The following MCHR2 variants were observed in gnomAD, a reference collection of about 807,000 sequenced individuals.
The protein encoded by MCHR2 is melanin-concentrating hormone receptor 2.
MCHR2 carries 15 observed loss-of-function variants against 24.8 expected under a neutral mutation model. The ratio of observed to expected loss-of-function variants is 0.60; its 90% confidence interval spans 0.40 to 0.93. The LOEUF is 0.93. Among genes scored for constraint, MCHR2 ranks in the 40% least tolerant of loss-of-function variants. MCHR2 has a pLI of 0.00. For synonymous variants in MCHR2, 151 were observed against 147.6 expected (o/e 1.02, Z -0.17); for missense variants, 386 against 408.7 (o/e 0.94, Z 0.48).
chr6:99,946,856 A>C (rs1349328206), intron 3 of MCHR2, among the ~76,000 whole-genome samples: 1 of 152,120 alleles, frequency 6.6e-6, no homozygotes, highest in Admixed American at 6.6e-5. Context: ...TGGAAGTACT[A>C]TGGTTGTCTT....
At position 99,946,410 on chromosome 6, in the gene MCHR2, G is replaced by T. The variant is rs190287654; in HGVS notation, c.392+1352C>A. Among the ~76,000 whole-genome samples the T allele has an allele frequency of 3.4e-4, 52 of 152,200 alleles. No individual in the cohort carries two copies. The East Asian group carries it at 6.6e-3, about 19-fold the overall frequency. ...AGAGTGAATTATTTATATGAACTTT[G>T]CAATTCTTTTTTTGTTCATCTGAAG... On this transcript the variant is annotated intron_variant, in intron 3 of 5. Coordinates refer to ENST00000281806, the MANE Select transcript of MCHR2 (RefSeq NM_001040179.2).
chr6:99,987,928 T>C (rs1246036107), intron 1 of MCHR2, among the ~76,000 whole-genome samples: 1 of 152,094 alleles, frequency 6.6e-6, no homozygotes, highest in African/African-American at 2.4e-5. Context: ...CTATAGAGGG[T>C]TAATCATTTT....
chr6:99,991,050 A>G (rs1775862605), intron 1 of MCHR2, among the ~76,000 whole-genome samples: 1 of 151,512 alleles, frequency 6.6e-6, no homozygotes, highest in African/African-American at 2.4e-5. Context: ...AAGGGTGGTA[A>G]CCCCAGGGAG....
intron 4 of MCHR2, 37 bp downstream of exon 4, chr6:99,942,912 T>G (rs1440369738): frequency 6.5e-7 from 1 of 1,549,232 alleles, no homozygotes; most frequent in Non-Finnish European, 8.8e-7. Context: ...CTTCACAACT[T>G]AATTCAACTC....
intron 1 of MCHR2, among the ~76,000 whole-genome samples, 182 bp from the exon 2 acceptor site, chr6:99,956,356 T>C (rs951284954): frequency 6.6e-6 from 1 of 152,068 alleles, no homozygotes; most frequent in African/African-American, 2.4e-5. Flanking sequence ...CCACAAGAGA[T>C]AGGTAAACAG....
At chr6:99,993,301 G>T (rs1012286077) in intron 1 of MCHR2, among the ~76,000 whole-genome samples, 2 of 152,160 alleles carry the variant, frequency 1.3e-5, no homozygotes, top group Non-Finnish European at 2.9e-5. Context: ...TCTGACAGCC[G>T]CTAACTAACT....
intron 1 of MCHR2, among the ~76,000 whole-genome samples, chr6:99,965,980 T>C (rs1293728806): frequency 6.6e-6 from 1 of 152,154 alleles, no homozygotes; most frequent in African/African-American, 2.4e-5. Flanking sequence ...TTTTAATGCT[T>C]AATCAAAAAG....
chr6:99,930,691 A>T (rs1033219889), intron 5 of MCHR2, among the ~76,000 whole-genome samples: 4 of 151,988 alleles, frequency 2.6e-5, no homozygotes, highest in Admixed American at 1.3e-4. Context: ...CAGCTCCATC[A>T]GCTCCTTTAA....
chr6:99,924,329 A>G (rs1291031123), intron 5 of MCHR2, among the ~76,000 whole-genome samples: 1 of 151,850 alleles, frequency 6.6e-6, no homozygotes, highest in African/African-American at 2.4e-5. Flanking sequence ...AAAGTTTGTC[A>G]ATTTTGTTTA....
At chr6:99,987,784 A>G (rs912633536) in intron 1 of MCHR2, among the ~76,000 whole-genome samples, 3 of 152,212 alleles carry the variant, frequency 2.0e-5, no homozygotes, top group African/African-American at 7.2e-5. Context: ...AAAGTGACTG[A>G]AGTCACTTCA....
intron 4 of MCHR2, among the ~76,000 whole-genome samples, chr6:99,942,277 G>A (rs1387577258): frequency 6.6e-6 from 1 of 152,152 alleles, no homozygotes; most frequent in Non-Finnish European, 1.5e-5. Context: ...AGGCTCTGAA[G>A]CAGAATCTGC....
chr6:99,967,122 A>T (rs1398162334), intron 1 of MCHR2, among the ~76,000 whole-genome samples: 1 of 151,920 alleles, frequency 6.6e-6, no homozygotes, highest in African/African-American at 2.4e-5. Flanking sequence ...AACAGGTCTT[A>T]AACAGTTAAG....
chr6:99,947,823 A>T lies in MCHR2; in HGVS notation c.331T>A (p.Ser111Thr), dbSNP rs1774897887. Residue 111 changes from serine to threonine, a missense_variant, in exon 3 of 6, where the codon TCC (serine) becomes ACC (threonine). Ser to Thr is a moderately conservative substitution (Grantham distance 58). Coordinates refer to ENST00000281806, the MANE Select transcript of MCHR2 (RefSeq NM_001040179.2). ...GCAAATTGGTTACAAGTATCCAGGG[A>T]TGTGATGATGGTGCAGAGAGGCCCC... ...FGGPLCTIIT[S>T]LDTCNQFACS... The T allele has an allele frequency of 1.9e-6, 3 of 1,613,836 alleles. No homozygotes were observed. Among genetic ancestry groups the T allele is most frequent in the Non-Finnish European group, 1.7e-6 (2 of 1,179,804 alleles).
At chr6:99,946,020 A>AT (rs201335747) in intron 3 of MCHR2, among the ~76,000 whole-genome samples, 1,829 of 144,220 alleles carry the variant, frequency 0.013, 38 homozygotes, top group East Asian at 0.096. Flanking sequence ...ATACCTGTTT[A>AT]TTTTTTTTTT....
In MCHR2 at chr6:99,929,735, T is replaced by G. The variant is rs144006771; in HGVS notation, c.707+4663A>C. ...TTTATTTTGAGCCTATGTGTGTCTCTGCACGTGAGATGGGTGTTCTGAATA... is the reference window on the plus strand; with the variant it reads ...TTTATTTTGAGCCTATGTGTGTCTCGGCACGTGAGATGGGTGTTCTGAATA... On this transcript the variant is annotated intron_variant, in intron 5 of 5. Coordinates refer to ENST00000281806, the MANE Select transcript of MCHR2 (RefSeq NM_001040179.2). Among the ~76,000 whole-genome samples, 273 of 152,208 alleles carry G rather than the reference T, an allele frequency of 1.8e-3. 3 individuals are homozygous for G. The highest frequency in any genetic ancestry group is 3.4e-3 in the Middle Eastern group (1 of 294).
At chr6:99,972,700 G>T (rs930319293) in intron 1 of MCHR2, among the ~76,000 whole-genome samples, 1 of 152,006 alleles carries the variant, frequency 6.6e-6, no homozygotes, top group African/African-American at 2.4e-5. Context: ...TGGGCATTTA[G>T]TGCTATAAAT....
chr6:99,993,137 G>A (rs986453176), intron 1 of MCHR2, among the ~76,000 whole-genome samples: 3 of 152,116 alleles, frequency 2.0e-5, no homozygotes, highest in African/African-American at 7.2e-5. Flanking sequence ...TTAATAAGAA[G>A]ATTCCACCTC....
intron 5 of MCHR2, among the ~76,000 whole-genome samples, chr6:99,924,003 A>G (rs1482687362): frequency 6.6e-6 from 1 of 151,996 alleles, no homozygotes; most frequent in Non-Finnish European, 1.5e-5. Flanking sequence ...AGCTTTTTAA[A>G]TGTTTAGCAG....
intron 2 of MCHR2, among the ~76,000 whole-genome samples, chr6:99,952,898 C>T (rs1029448963): frequency 2.6e-5 from 4 of 152,196 alleles, no homozygotes; most frequent in Admixed American, 2.6e-4. Flanking sequence ...ATTTCTTTAT[C>T]TAATGTATAT....
Sources: gnomAD v4.1 joint callset for allele counts (sites outside exome capture counted in the v4.1 genomes callset) on GRCh38, gnomAD v4.1.1 for gene constraint, MANE v1.5 for transcripts, NCBI Gene and HGNC (gene_info 2026-07-23, HGNC 2026-07-21) for gene names.